The following UACA variants were observed in gnomAD, a reference collection of about 807,000 sequenced individuals.
The protein encoded by UACA is uveal autoantigen with coiled-coil domains and ankyrin repeats, also known as nuclear membrane binding protein.
In UACA, 112 loss-of-function variants were observed where a neutral mutation model predicts 160.5. The ratio of observed to expected loss-of-function variants is 0.70; its 90% CI spans 0.60 to 0.82. UACA has a LOEUF of 0.82. UACA is among the 40% of genes least tolerant of loss of function. The pLI, the probability that UACA is intolerant of heterozygous loss-of-function variation, is 0.00. For missense variants in UACA, 1,574 were observed against 1,614.6 expected, an observed-to-expected ratio of 0.97 and a Z score of 0.43; for synonymous variants, 557 against 568.4, an observed-to-expected ratio of 0.98 and a Z score of 0.29.
In UACA at chr15:70,684,315, T is replaced by C. The variant is rs775508502; in HGVS notation, c.734A>G (p.Asn245Ser). 6.2e-7 allele frequency: 1 copy of C among 1,613,756 alleles called. No homozygotes were observed. Among genetic ancestry groups the C allele is most frequent in the Non-Finnish European group, 8.5e-7 (1 of 1,179,776 alleles). ...DSSYYARIGD[N>S]LDILTLLKTA... Reference sequence around the variant, plus strand: ...CTTCAACAAGGTTAGAATGTCCAGATTGTCACCAATTCTTGCATAGTAAGA... The same window carrying C: ...CTTCAACAAGGTTAGAATGTCCAGACTGTCACCAATTCTTGCATAGTAAGA... Residue 245 changes from asparagine (N) to serine (S), a missense_variant, in exon 8 of 19, where the codon AAT becomes AGT. Transcript: ENST00000322954.
chr15:70,693,976 A>G (rs1041381670), intron 3 of UACA, among the ~76,000 whole-genome samples: 1 of 152,150 alleles, frequency 6.6e-6, no homozygotes, highest in Non-Finnish European at 1.5e-5. Flanking sequence ...GATTTACCTC[A>G]CTAATTCAAT....
chr15:70,771,252 C>T, the UACA span, among the ~76,000 whole-genome samples: 6 of 152,290 alleles, frequency 3.9e-5, no homozygotes, highest in Non-Finnish European at 8.8e-5. Flanking sequence ...TTGGAGATAC[C>T]GTGATATTCA....
Position 70,691,319 on chromosome 15 carries a change from A to C in UACA, c.346T>G (p.Cys116Gly), listed in dbSNP as rs1304200216. 6.2e-7 allele frequency: 1 copy of C among 1,607,798 alleles called. No homozygotes were observed. Among genetic ancestry groups the C allele is most frequent in the East Asian group, 2.2e-5 (1 of 44,620 alleles). The change falls in exon 4 of 19, where the codon TGC (cysteine) becomes GGC (glycine). Residue 116 changes from cysteine to glycine, a missense_variant. Transcript: ENST00000322954. ...ACTACCTGTAGAAGTTTTTGTAGGC[A>C]CAATGCATGTCCATACTTAGCAGCC... is the stretch of plus-strand genomic sequence containing the variant. ...HLAAKYGHAL[C>G]LQKLLQYNCP...
At chr15:70,684,485 T>G in intron 7 of UACA, 39 bp from the exon 8 acceptor site, 2 of 1,566,110 alleles carry the variant, frequency 1.3e-6, no homozygotes, top group South Asian at 1.2e-5. Flanking sequence ...CTGAGAAAAC[T>G]CCAAGGAAAT....
At chr15:70,719,023 GAAGGAGGAAGGA>G (rs1898909524) in intron 1 of UACA, among the ~76,000 whole-genome samples, 1 of 151,780 alleles carries the variant, frequency 6.6e-6, no homozygotes, top group African/African-American at 2.4e-5. Flanking sequence ...CCAGTCATAG[GAAGGAGGAAGGA>G]AGGGAGGAAG....
intron 1 of UACA, among the ~76,000 whole-genome samples, chr15:70,751,655 C>T (rs912015146): frequency 6.6e-6 from 1 of 152,168 alleles, no homozygotes; most frequent in African/African-American, 2.4e-5. Flanking sequence ...AGTGGCAAGG[C>T]TCACACCCAA....
chr15:70,666,201 G>C (rs904953113), intron 16 of UACA, among the ~76,000 whole-genome samples: 1 of 152,190 alleles, frequency 6.6e-6, no homozygotes, highest in Non-Finnish European at 1.5e-5. Context: ...ACATGTTAAT[G>C]AATGTATAGG....
chr15:70,662,526 G>A (rs1385947464), intron 17 of UACA, among the ~76,000 whole-genome samples: 1 of 152,050 alleles, frequency 6.6e-6, no homozygotes, highest in Non-Finnish European at 1.5e-5. Flanking sequence ...AAGTTCATAT[G>A]GAACCAAAAA....
intron 1 of UACA, among the ~76,000 whole-genome samples, chr15:70,741,742 A>C (rs550928772): frequency 6.6e-6 from 1 of 152,364 alleles, no homozygotes; most frequent in African/African-American, 2.4e-5. Flanking sequence ...CAGTTCATGC[A>C]AAAATGACTA....
intron 1 of UACA, among the ~76,000 whole-genome samples, chr15:70,704,959 T>C (rs1039113948): frequency 6.6e-6 from 1 of 152,060 alleles, no homozygotes; most frequent in Non-Finnish European, 1.5e-5. Context: ...GGTACAGAAA[T>C]AGCTGGATTG....
At chr15:70,707,083 A>C (rs1161091848) in intron 1 of UACA, among the ~76,000 whole-genome samples, 1 of 152,222 alleles carries the variant, frequency 6.6e-6, no homozygotes, top group Non-Finnish European at 1.5e-5. Flanking sequence ...TGGCATAAAG[A>C]CAGACATATA....
chr15:70,671,534 T>A (rs1234734196), intron 14 of UACA: 1 of 158,308 alleles, frequency 6.3e-6, no homozygotes, highest in Non-Finnish European at 1.4e-5. Flanking sequence ...CTGTTTAACA[T>A]TGCAGAATAA....
In UACA at chr15:70,763,415, T is replaced by C; in HGVS notation, c.-8A>G. 1 of 1,309,650 alleles carries C rather than the reference T, an allele frequency of 7.6e-7. No homozygotes were observed. Among genetic ancestry groups the C allele is most frequent in the Non-Finnish European group, 9.8e-7 (1 of 1,020,586 alleles). The allele number at this position is 1,309,650 out of a possible 1,614,324, so 81.1% of individuals were successfully genotyped here. A position where few individuals can be genotyped will look rare whatever the true frequency, so the allele number is the denominator to read the frequency against. On this transcript the variant is annotated 5_prime_UTR_variant, in exon 1 of 19. Transcript: ENST00000322954. Reference sequence around the variant, plus strand: ...GGACTTGAGGCTCTTCATGGCTAACTCTTGCCTGGCCCCCGCGCGAACCTT... The same window carrying C: ...GGACTTGAGGCTCTTCATGGCTAACCCTTGCCTGGCCCCCGCGCGAACCTT...
At chr15:70,716,236 G>A (rs1292974596) in intron 1 of UACA, among the ~76,000 whole-genome samples, 2 of 152,176 alleles carry the variant, frequency 1.3e-5, no homozygotes, top group Non-Finnish European at 1.5e-5. Context: ...GAGGGTAGGA[G>A]AGCATGACAG....
At chr15:70,710,947 G>A (rs993605879) in intron 1 of UACA, among the ~76,000 whole-genome samples, 4 of 152,048 alleles carry the variant, frequency 2.6e-5, no homozygotes, top group Non-Finnish European at 5.9e-5. Flanking sequence ...CCCTTTCCCC[G>A]CCCCTGAGGC....
intron 9 of UACA, among the ~76,000 whole-genome samples, chr15:70,680,907 A>C (rs1044896273): frequency 4.6e-5 from 7 of 152,164 alleles, no homozygotes; most frequent in Non-Finnish European, 7.3e-5. Flanking sequence ...AATAGTCCTT[A>C]TCATACAAGG....
intron 1 of UACA, among the ~76,000 whole-genome samples, chr15:70,705,974 T>A (rs1898511775): frequency 6.6e-6 from 1 of 152,130 alleles, no homozygotes; most frequent in Non-Finnish European, 1.5e-5. Flanking sequence ...TATTTTTAGA[T>A]CAAATGAATC....
intron 1 of UACA, among the ~76,000 whole-genome samples, chr15:70,746,184 A>C (rs553846391): frequency 6.6e-6 from 1 of 152,356 alleles, no homozygotes; most frequent in Admixed American, 6.5e-5. Context: ...AACTATCATC[A>C]GAGTGAACAG....
chr15:70,679,634 G>T lies in UACA; in HGVS notation c.865C>A (p.His289Asn). The part of the protein sequence containing the change: ...HMQDEVNVKS[H>N]QREHQNIQDL... ...TGAATATTTTGATGCTCCCTCTGAT[G>T]TGACTTCACATTTACTTCATCTTGC... Residue 289 changes from histidine (H) to asparagine (N), a missense_variant, in exon 10 of 19, where the codon CAT (histidine) becomes AAT (asparagine). Transcript: ENST00000322954. 2 of 1,588,874 alleles carry T rather than the reference G, an allele frequency of 1.3e-6. No individual in the cohort carries two copies. Among genetic ancestry groups the T allele is most frequent in the South Asian group, 1.1e-5 (1 of 87,892 alleles).
Sources: gnomAD v4.1 joint callset for allele counts (sites outside exome capture counted in the v4.1 genomes callset) on GRCh38, gnomAD v4.1.1 for gene constraint, MANE v1.5 for transcripts, NCBI Gene and HGNC (gene_info 2026-07-23, HGNC 2026-07-21) for gene names.